The following TRAPPC8 variants were observed in gnomAD, a reference collection of about 807,000 sequenced individuals.
TRAPPC8 encodes general sporulation gene 1 homolog.
In TRAPPC8, 54 loss-of-function variants were observed where a neutral mutation model predicts 174.3. The ratio of observed to expected loss-of-function variants is 0.31; its 90% CI spans 0.25 to 0.39. The LOEUF is 0.39. Ranked by LOEUF, TRAPPC8 falls within the 10% of genes least tolerant of loss-of-function variation. The pLI is 1.00. For missense variants in TRAPPC8, 1,531 were observed against 1,699.1 expected (o/e 0.90, Z 1.74); for synonymous variants, 630 against 579.9 (o/e 1.09, Z -1.24).
intron 12 of TRAPPC8, among the ~76,000 whole-genome samples, chr18:31,887,669 AAG>A (rs1031476486): frequency 2.0e-5 from 3 of 150,800 alleles, no homozygotes; most frequent in African/African-American, 7.3e-5. Flanking sequence ...AAAAAATAGT[AAG>A]AGCCATTTAC....
At chr18:31,897,734 TA>T (rs74954001) in intron 11 of TRAPPC8, 51 bp downstream of exon 11, 334,382 of 1,175,034 alleles carry the variant, frequency 0.28, 45,571 homozygotes, top group South Asian at 0.52. Context: ...TACATCTTTT[TA>T]AAAAAAAAAG....
At chr18:31,843,537 A>G (rs2033223005) in intron 26 of TRAPPC8, among the ~76,000 whole-genome samples, 1 of 152,230 alleles carries the variant, frequency 6.6e-6, no homozygotes, top group Non-Finnish European at 1.5e-5. Flanking sequence ...GCAATCTTAA[A>G]GCTTACTGTG....
chr18:31,931,214 C>T (rs1432139199), intron 2 of TRAPPC8, 115 bp downstream of exon 2: 1 of 942,172 alleles, frequency 1.1e-6, no homozygotes, highest in Non-Finnish European at 1.5e-6. Flanking sequence ...TATTCTCAGG[C>T]CCTAGCACTT....
intron 4 of TRAPPC8, among the ~76,000 whole-genome samples, chr18:31,914,830 C>T (rs2037063569): frequency 6.6e-6 from 1 of 152,124 alleles, no homozygotes; most frequent in East Asian, 1.9e-4. Flanking sequence ...TTTTTAAAGA[C>T]AATCTATTCA....
intron 27 of TRAPPC8, among the ~76,000 whole-genome samples, chr18:31,834,093 T>C (rs1359321793): frequency 7.8e-5 from 7 of 90,100 alleles, no homozygotes; most frequent in Non-Finnish European, 1.9e-4. Flanking sequence ...ATTTTGGTTG[T>C]TGTTGTTGTT....
intron 12 of TRAPPC8, among the ~76,000 whole-genome samples, chr18:31,885,100 G>A (rs1338411492): frequency 1.3e-5 from 2 of 151,938 alleles, no homozygotes; most frequent in Admixed American, 6.6e-5. Context: ...CTCGTGATCC[G>A]CCTGCGTCGG....
At chr18:31,867,371 G>C (rs762272389) in intron 17 of TRAPPC8, 31 bp downstream of exon 17, 2 of 1,431,806 alleles carry the variant, frequency 1.4e-6, no homozygotes, top group East Asian at 2.3e-5. Flanking sequence ...TTTCAGAAAG[G>C]CATAAAGCAG....
intron 4 of TRAPPC8, among the ~76,000 whole-genome samples, chr18:31,915,238 G>A (rs986367202): frequency 2.0e-5 from 3 of 152,258 alleles, no homozygotes; most frequent in African/African-American, 7.2e-5. Flanking sequence ...GGAGGCCAAG[G>A]CGGGCAGATC....
In TRAPPC8 at chr18:31,842,220, G is replaced by A. The variant is rs541681389; in HGVS notation, c.3838-2763C>T. On this transcript the variant is annotated intron_variant, in intron 26 of 28. Coordinates refer to ENST00000283351, the MANE Select transcript of TRAPPC8 (RefSeq NM_014939.5). ...CCAAGGTGTGTCATTTGGCCTTATAGACTGGTATTTAATCTCACTATTTTC... is the reference window on the plus strand; with the variant it reads ...CCAAGGTGTGTCATTTGGCCTTATAAACTGGTATTTAATCTCACTATTTTC... Among the ~76,000 whole-genome samples, 112 of 152,320 alleles carry A rather than the reference G, an allele frequency of 7.4e-4. 1 individual carries two copies. The South Asian group carries it at 0.012, about 17-fold the overall frequency.
chr18:31,917,540 A>G (rs2037200049), intron 3 of TRAPPC8, 38 bp downstream of exon 3: 3 of 1,553,530 alleles, frequency 1.9e-6, no homozygotes, highest in African/African-American at 1.4e-5. Context: ...AACTTCCATA[A>G]TATTTGATTT....
intron 10 of TRAPPC8, among the ~76,000 whole-genome samples, chr18:31,899,950 A>C (rs2036345275): frequency 6.6e-6 from 1 of 151,078 alleles, no homozygotes; most frequent in East Asian, 1.9e-4. Flanking sequence ...CTCAAAAAAA[A>C]ACATGGGCTG....
intron 2 of TRAPPC8, among the ~76,000 whole-genome samples, chr18:31,924,294 A>AG (rs2037516494): frequency 6.6e-6 from 1 of 151,196 alleles, no homozygotes; most frequent in Non-Finnish European, 1.5e-5. Flanking sequence ...TCAAAAAAAA[A>AG]AATACAAAAA....
At position 31,907,515 on chromosome 18, in the gene TRAPPC8, G is replaced by A. The variant is rs1055835051; in HGVS notation, c.1334C>T (p.Thr445Ile). ...ATCATTAAGAAAATCTTTCTTTGCA[G>A]TATGATAGCAACTGTAAGCCAAATC... is the stretch of plus-strand genomic sequence containing the variant. Reference protein sequence around the residue: ...HYDLAYSCYHTAKKDFLNDQA... With the variant: ...HYDLAYSCYHIAKKDFLNDQA... Residue 445 changes from threonine to isoleucine, a missense_variant, in exon 9 of 29, where the codon ACT becomes ATT. Coordinates refer to ENST00000283351, the MANE Select transcript of TRAPPC8 (RefSeq NM_014939.5). 7 of 1,608,628 alleles carry A rather than the reference G, an allele frequency of 4.4e-6. No individual in the cohort carries two copies. In the Admixed American group the frequency reaches 6.7e-5, roughly 15 times the overall value.
chr18:31,871,839 C>T (rs765084799), intron 14 of TRAPPC8, among the ~76,000 whole-genome samples: 1 of 151,720 alleles, frequency 6.6e-6, no homozygotes, highest in Non-Finnish European at 1.5e-5. Flanking sequence ...ACAAACAATG[C>T]TACTATGAAT....
chr18:31,840,415 G>C (rs1325351614), intron 26 of TRAPPC8, among the ~76,000 whole-genome samples: 3 of 151,946 alleles, frequency 2.0e-5, no homozygotes, highest in African/African-American at 4.8e-5. Flanking sequence ...GGGAGGGTGA[G>C]AGAGAGAGAA....
chr18:31,855,992 A>G (rs958749717), intron 20 of TRAPPC8, among the ~76,000 whole-genome samples, 185 bp from the exon 21 acceptor site: 2 of 152,164 alleles, frequency 1.3e-5, no homozygotes, highest in Non-Finnish European at 2.9e-5. Context: ...TTTCTATCCA[A>G]TTTGGAAGGA....
rs772209731 is a variant in TRAPPC8 at position 31,908,924 on chromosome 18, G to T, written c.952C>A (p.Leu318Ile). The T allele has an allele frequency of 6.2e-7, 1 of 1,613,686 alleles. No individual in the cohort carries two copies. Among genetic ancestry groups the T allele is most frequent in the East Asian group, 2.2e-5 (1 of 44,852 alleles). The change falls in exon 7 of 29, where the codon CTA (leucine) becomes ATA (isoleucine). Residue 318 changes from leucine (L) to isoleucine (I), a missense_variant. Transcript: ENST00000283351. ...TCATGTAACGATGAAGCAGATCTTAGATGATCTGGGCCATCAATACTGTTA... is the reference window on the plus strand; with the variant it reads ...TCATGTAACGATGAAGCAGATCTTATATGATCTGGGCCATCAATACTGTTA... The part of the protein sequence containing the change: ...PSNSIDGPDH[L>I]RSASSLHETK...
At chr18:31,928,874 G>A (rs1274666027) in intron 2 of TRAPPC8, among the ~76,000 whole-genome samples, 1 of 152,016 alleles carries the variant, frequency 6.6e-6, no homozygotes, top group Non-Finnish European at 1.5e-5. Context: ...AGGTCTACGA[G>A]AGGCCTTAAG....
chr18:31,846,498 C>T (rs2033410555), intron 26 of TRAPPC8, among the ~76,000 whole-genome samples: 1 of 151,976 alleles, frequency 6.6e-6, no homozygotes, highest in African/African-American at 2.4e-5. Flanking sequence ...TCACCTGAGC[C>T]CGGGGAGGTC....
Sources: allele counts gnomAD v4.1 joint callset (sites outside exome capture counted in the v4.1 genomes callset), GRCh38; gene constraint gnomAD v4.1.1; transcripts MANE v1.5; gene names NCBI Gene and HGNC (gene_info 2026-07-23, HGNC 2026-07-21).